Variants in RCSD1 observed in about 807,000 individuals in gnomAD.
RCSD1 encodes capZ-interacting protein.
Under a neutral mutation model 42.5 loss-of-function variants are expected in RCSD1, and 26 were observed. The ratio of observed to expected loss-of-function variants is 0.61; its 90% CI spans 0.45 to 0.85. RCSD1 has a LOEUF of 0.85. Ranked by LOEUF, RCSD1 falls within the 40% of genes least tolerant of loss-of-function variation. The pLI is 0.00. For synonymous variants in RCSD1, 220 were observed against 212.2 expected (o/e 1.04, Z -0.32); for missense variants, 571 against 528.3 (o/e 1.08, Z -0.79).
chr1:167,704,076 C>G (rs1425396683), intron 6 of RCSD1, among the ~76,000 whole-genome samples: 2 of 152,170 alleles, frequency 1.3e-5, no homozygotes, highest in Non-Finnish European at 2.9e-5. Flanking sequence ...GGCTGGAGTC[C>G]TGGTACAGCT....
chr1:167,637,948 G>A (rs1210821273), intron 1 of RCSD1, among the ~76,000 whole-genome samples: 2 of 152,218 alleles, frequency 1.3e-5, no homozygotes, highest in African/African-American at 4.8e-5. Context: ...AACCCAGTAA[G>A]CAGTGCCGCT....
At chr1:167,648,400 C>T (rs1232177361) in intron 1 of RCSD1, among the ~76,000 whole-genome samples, 2 of 152,208 alleles carry the variant, frequency 1.3e-5, no homozygotes, top group East Asian at 1.9e-4. Flanking sequence ...CAAATCAGCC[C>T]TGGCCTTCCT....
intron 1 of RCSD1, among the ~76,000 whole-genome samples, chr1:167,662,860 C>G (rs769300537): frequency 1.3e-5 from 2 of 152,196 alleles, no homozygotes; most frequent in Non-Finnish European, 2.9e-5. Context: ...TCTGCCTGAA[C>G]TTATTTAGGT....
intron 1 of RCSD1, among the ~76,000 whole-genome samples, chr1:167,681,141 T>A (rs1659073537): frequency 6.6e-6 from 1 of 152,244 alleles, no homozygotes; most frequent in African/African-American, 2.4e-5. Flanking sequence ...AGGCTAATAA[T>A]AATGTTGAGA....
At chr1:167,702,572 A>C (rs923993815) in intron 6 of RCSD1, among the ~76,000 whole-genome samples, 1 of 152,236 alleles carries the variant, frequency 6.6e-6, no homozygotes, top group African/African-American at 2.4e-5. Context: ...TGAGGTCAGG[A>C]GTTCAAGATC....
intron 1 of RCSD1, among the ~76,000 whole-genome samples, chr1:167,646,568 G>C (rs754124754): frequency 9.3e-5 from 14 of 150,670 alleles, no homozygotes; most frequent in Non-Finnish European, 1.6e-4. Context: ...CATGCGTGCA[G>C]GTTTGTTACA....
At position 167,630,335 on chromosome 1, in the gene RCSD1, C is replaced by T. The variant is rs1262878087; in HGVS notation, c.-89C>T. 11 of 1,309,882 alleles carry T rather than the reference C, an allele frequency of 8.4e-6. No homozygotes were observed. The highest frequency in any genetic ancestry group is 3.5e-5 in the Admixed American group (1 of 28,924). The allele number at this position is 1,309,882 out of a possible 1,614,324, so 81.1% of individuals were successfully genotyped here. On this transcript the variant is annotated 5_prime_UTR_variant, in exon 1 of 7. Transcript: ENST00000367854. ...GTGCCCGCCGCAGCCCGAAACTGGC[C>T]ACGGCCGGGAGCGGAGGGGACAGCG... is the stretch of plus-strand genomic sequence containing the variant.
intron 1 of RCSD1, among the ~76,000 whole-genome samples, chr1:167,634,379 G>GTTTT (rs34071293): frequency 2.1e-4 from 31 of 148,332 alleles, no homozygotes; most frequent in East Asian, 5.9e-4. Context: ...GAAGATCAGG[G>GTTTT]TTTTTTTTTT....
intron 1 of RCSD1, among the ~76,000 whole-genome samples, chr1:167,668,806 G>A (rs936023885): frequency 3.9e-4 from 59 of 151,990 alleles, no homozygotes; most frequent in Non-Finnish European, 3.4e-4. Context: ...TGGGGAAGGG[G>A]AGCTTCACAG....
chr1:167,654,284 A>T (rs1234474032), intron 1 of RCSD1, among the ~76,000 whole-genome samples: 1 of 152,186 alleles, frequency 6.6e-6, no homozygotes, highest in African/African-American at 2.4e-5. Context: ...TGGGGAACTT[A>T]TGGACAGAAG....
At position 167,707,026 on chromosome 1, in the gene RCSD1, C is replaced by T. The variant is rs1232134033; in HGVS notation, c.*2330C>T. Among the ~76,000 whole-genome samples the T allele has an allele frequency of 6.6e-6, 1 of 152,216 alleles. No individual in the cohort carries two copies. Among genetic ancestry groups the T allele is most frequent in the Non-Finnish European group, 1.5e-5 (1 of 68,042 alleles). On this transcript the variant is annotated 3_prime_UTR_variant, in exon 7 of 7. Coordinates refer to ENST00000367854, the MANE Select transcript of RCSD1 (RefSeq NM_052862.4). ...AGTTAAAGAAATAGTCATAGTCATT[C>T]TTCCACGATCTTTGTAGTCTAGCTT...
At chr1:167,631,065 C>A (rs1170029667) in intron 1 of RCSD1, among the ~76,000 whole-genome samples, 1 of 152,246 alleles carries the variant, frequency 6.6e-6, no homozygotes, top group Non-Finnish European at 1.5e-5. Context: ...CCCTTGGACA[C>A]CCTTGCCTCT....
At chr1:167,661,139 A>T (rs1207551604) in intron 1 of RCSD1, among the ~76,000 whole-genome samples, 2 of 152,266 alleles carry the variant, frequency 1.3e-5, no homozygotes, top group Non-Finnish European at 2.9e-5. Context: ...TTTTAAATAA[A>T]CATTGGTTTA....
intron 1 of RCSD1, among the ~76,000 whole-genome samples, chr1:167,637,555 G>C (rs1451885868): frequency 6.6e-6 from 1 of 152,138 alleles, no homozygotes; most frequent in Non-Finnish European, 1.5e-5. Context: ...ACACACAGGA[G>C]ACCTCAATCT....
rs1315239853 is a variant in RCSD1, at chr1:167,636,479, A to C, written c.6+6050A>C. Among the ~76,000 whole-genome samples the C allele has an allele frequency of 2.6e-5, 4 of 151,734 alleles. No homozygotes were observed. In the East Asian group the frequency reaches 7.7e-4, roughly 29 times the overall value. The stretch of plus-strand genomic sequence containing the variant: ...ACCTGTTTGTACCATGTCAGGGCCA[A>C]CCTCCTGGCCTCGAGGTAGCAATCA... On this transcript the variant is annotated intron_variant, in intron 1 of 6. Coordinates refer to ENST00000367854, the MANE Select transcript of RCSD1 (RefSeq NM_052862.4).
rs955345361 is a variant in RCSD1 at position 167,685,468 on chromosome 1, C to G, written c.156C>G (p.Pro52=). The G allele has an allele frequency of 2.5e-6, 4 of 1,613,904 alleles. No individual in the cohort carries two copies. The highest frequency in any genetic ancestry group is 1.7e-5 in the Admixed American group (1 of 59,994). ...PTRRKPPCSL[P]LFPPKVDLGQ... ...GAAGGAAACCGCCCTGTTCCCTCCCCCTGTTCCCCCCCAAGGTAGACCTGG... is the reference window on the plus strand; with the variant it reads ...GAAGGAAACCGCCCTGTTCCCTCCCGCTGTTCCCCCCCAAGGTAGACCTGG... Residue 52 remains proline (P), a synonymous_variant, in exon 3 of 7, where the codon CCC becomes CCG. Coordinates refer to ENST00000367854, the MANE Select transcript of RCSD1 (RefSeq NM_052862.4).
chr1:167,658,265 T>G lies in RCSD1; in HGVS notation c.7-25635T>G, dbSNP rs1283563686. Reference sequence around the variant, plus strand: ...ACATTCACATAACTATATAAAAAATTACATATACATTGTGAGCATATGTGT... The same window carrying G: ...ACATTCACATAACTATATAAAAAATGACATATACATTGTGAGCATATGTGT... On this transcript the variant is annotated intron_variant, in intron 1 of 6. Transcript: ENST00000367854. 5.3e-5 allele frequency among the ~76,000 whole-genome samples: 8 copies of G among 152,332 alleles called. No homozygotes were observed. In the East Asian group the frequency reaches 1.5e-3, roughly 29 times the overall value.
At chr1:167,696,428 G>C (rs1263143515) in intron 5 of RCSD1, among the ~76,000 whole-genome samples, 1 of 151,292 alleles carries the variant, frequency 6.6e-6, no homozygotes, top group Non-Finnish European at 1.5e-5. Context: ...TTGAAGAACT[G>C]GTTATTTATA....
Position 167,684,013 on chromosome 1 carries a change from C to T in RCSD1, c.108+12C>T, listed in dbSNP as rs775821749. 3.2e-5 allele frequency: 52 copies of T among 1,602,072 alleles called. 1 individual carries two copies. In the Middle Eastern group the frequency reaches 5.0e-4, roughly 15 times the overall value. On this transcript the variant is annotated intron_variant, in intron 2 of 6. Transcript: ENST00000367854. ...CTGCAGCCAAGGAGGTGAGTCAGGCCGCTTCAGAGCAGCCTCTTCAGCAGC... is the reference window on the plus strand; with the variant it reads ...CTGCAGCCAAGGAGGTGAGTCAGGCTGCTTCAGAGCAGCCTCTTCAGCAGC...
Sources: gnomAD v4.1 joint callset for allele counts (sites outside exome capture counted in the v4.1 genomes callset) on GRCh38, gnomAD v4.1.1 for gene constraint, MANE v1.5 for transcripts, NCBI Gene and HGNC (gene_info 2026-07-23, HGNC 2026-07-21) for gene names.